Variants in DPP10 observed in about 807,000 individuals in gnomAD.
DPP10 encodes the protein inactive dipeptidyl peptidase 10.
In DPP10, 33 loss-of-function variants were observed where a neutral mutation model predicts 120.9. That is an observed-to-expected ratio of 0.27 (90% CI 0.21 to 0.37). DPP10 has a LOEUF of 0.37. DPP10 is among the 10% of genes least tolerant of loss of function. The probability of loss-of-function intolerance (pLI) is 1.00; values close to 1 mark genes in which losing one functional copy is unlikely to be tolerated. For synonymous variants in DPP10, 337 were observed against 326.1 expected, an observed-to-expected ratio of 1.03 and a Z score of -0.36; for missense variants, 816 against 942.8, an observed-to-expected ratio of 0.87 and a Z score of 1.76.
intron 5 of DPP10, among the ~76,000 whole-genome samples, chr2:115,605,571 C>G (rs75532193): frequency 6.6e-6 from 1 of 151,890 alleles, no homozygotes; most frequent in Non-Finnish European, 1.5e-5. Flanking sequence ...GTAGAATGAA[C>G]TACAGATAAG....
intron 1 of DPP10, among the ~76,000 whole-genome samples, chr2:114,673,171 C>CA (rs1435152943): frequency 6.6e-6 from 1 of 152,150 alleles, no homozygotes; most frequent in Non-Finnish European, 1.5e-5. Context: ...CTGTGTCTGT[C>CA]AACACATCCT....
chr2:115,394,267 C>T (rs1027189063), intron 3 of DPP10, among the ~76,000 whole-genome samples: 10 of 151,990 alleles, frequency 6.6e-5, no homozygotes, highest in Non-Finnish European at 1.5e-4. Flanking sequence ...TATTCACAGA[C>T]ATTTTAAATA....
At chr2:114,456,776 G>T (rs1191529769) in intron 1 of DPP10, among the ~76,000 whole-genome samples, 3 of 152,114 alleles carry the variant, frequency 2.0e-5, no homozygotes, top group African/African-American at 7.2e-5. Context: ...TTAAAATAGG[G>T]CATAAGAGGC....
At chr2:114,521,347 C>A (rs772615843) in intron 1 of DPP10, among the ~76,000 whole-genome samples, 33 of 150,198 alleles carry the variant, frequency 2.2e-4, no homozygotes, top group South Asian at 4.2e-4. Context: ...AAAATAAAGT[C>A]ATCAAAAACT....
chr2:115,119,015 T>C (rs1271250112), intron 1 of DPP10, among the ~76,000 whole-genome samples: 1 of 152,102 alleles, frequency 6.6e-6, no homozygotes, highest in Non-Finnish European at 1.5e-5. Context: ...GCAGGCAACT[T>C]GAGAAATCCA....
At chr2:114,622,365 T>C (rs1302604254) in intron 1 of DPP10, among the ~76,000 whole-genome samples, 1 of 151,958 alleles carries the variant, frequency 6.6e-6, no homozygotes, top group Non-Finnish European at 1.5e-5. Context: ...GTCCAACTTA[T>C]CTGAATCTGT....
intron 1 of DPP10, among the ~76,000 whole-genome samples, chr2:114,675,772 G>A (rs886617685): frequency 5.3e-5 from 8 of 151,608 alleles, no homozygotes; most frequent in Non-Finnish European, 1.2e-4. Flanking sequence ...GTATAAATAT[G>A]TATTTACCAT....
intron 3 of DPP10, among the ~76,000 whole-genome samples, chr2:115,358,031 G>T (rs182938505): frequency 6.6e-6 from 1 of 152,084 alleles, no homozygotes; most frequent in South Asian, 2.1e-4. Flanking sequence ...CTGTGCCTGC[G>T]ATGGGAGGGG....
intron 1 of DPP10, among the ~76,000 whole-genome samples, chr2:115,127,524 A>T (rs576044905): frequency 1.1e-4 from 16 of 152,344 alleles, no homozygotes; most frequent in Middle Eastern, 3.4e-3. Context: ...ATTAGAGTTG[A>T]AAATATATTT....
At chr2:115,256,745 T>TA (rs2059018252) in intron 1 of DPP10, among the ~76,000 whole-genome samples, 1 of 152,156 alleles carries the variant, frequency 6.6e-6, no homozygotes, top group Admixed American at 6.5e-5. Flanking sequence ...CCCTGAAAAT[T>TA]TTCTAACACC....
At chr2:115,550,284 G>A (rs1195274611) in intron 5 of DPP10, among the ~76,000 whole-genome samples, 1 of 152,090 alleles carries the variant, frequency 6.6e-6, no homozygotes, top group Non-Finnish European at 1.5e-5. Context: ...ATTGTACATG[G>A]CATGCGTATC....
rs143258966 is a variant in DPP10 at position 114,906,905 on chromosome 2, G to C, written c.61-402334G>C. ...TTTTCTATGTTTTGAAAATTTGCGA[G>C]AGAGAGGTGTTATGCTTCAAATTTT... On this transcript the variant is annotated intron_variant, in intron 1 of 25. Transcript: ENST00000410059. 8.8e-4 allele frequency among the ~76,000 whole-genome samples: 134 copies of C among 152,256 alleles called. No individual in the cohort carries two copies. The East Asian group carries it at 0.02, about 23-fold the overall frequency.
At chr2:115,820,122 A>G (rs1381056249) in intron 21 of DPP10, among the ~76,000 whole-genome samples, 1 of 152,208 alleles carries the variant, frequency 6.6e-6, no homozygotes, top group Non-Finnish European at 1.5e-5. Flanking sequence ...TGTCAGGATA[A>G]GTCTATGTCT....
At chr2:114,984,887 C>T (rs543629430) in intron 1 of DPP10, among the ~76,000 whole-genome samples, 57 of 152,230 alleles carry the variant, frequency 3.7e-4, no homozygotes, top group African/African-American at 1.3e-3. Flanking sequence ...AGCCTTGGCC[C>T]CAGCTATGTG....
intron 1 of DPP10, among the ~76,000 whole-genome samples, chr2:114,510,629 A>G (rs1684062837): frequency 6.6e-6 from 1 of 152,078 alleles, no homozygotes; most frequent in Admixed American, 6.6e-5. Flanking sequence ...AAAACAAAAA[A>G]CAAACAAAAA....
rs1690070468 is a variant in DPP10, at chr2:115,840,840, G to C, written c.2256+17G>C. ...ACTATGCAGGTAAGCTACTTTCTTA[G>C]AAGAACGTGTTTTCCTGCTGTGTTT... On this transcript the variant is annotated intron_variant, in intron 25 of 25. Transcript: ENST00000410059. 3.1e-6 allele frequency: 5 copies of C among 1,603,646 alleles called. No homozygotes were observed. Among genetic ancestry groups the C allele is most frequent in the Middle Eastern group, 3.3e-4 (2 of 6,014 alleles).
chr2:114,469,489 G>A (rs149309403), intron 1 of DPP10, among the ~76,000 whole-genome samples: 70 of 152,232 alleles, frequency 4.6e-4, no homozygotes, highest in Middle Eastern at 6.8e-3. Flanking sequence ...CCAGCATTTT[G>A]GGAGGTGGAG....
intron 1 of DPP10, among the ~76,000 whole-genome samples, chr2:114,688,903 T>A (rs1699546984): frequency 6.6e-6 from 1 of 151,718 alleles, no homozygotes; most frequent in Non-Finnish European, 1.5e-5. Flanking sequence ...TTAACAGTGA[T>A]TGGATGTGGG....
At chr2:114,634,806 C>T (rs1695190635) in intron 1 of DPP10, among the ~76,000 whole-genome samples, 1 of 151,836 alleles carries the variant, frequency 6.6e-6, no homozygotes, top group Admixed American at 6.6e-5. Context: ...ACGACTCATA[C>T]AGAAGAACAC....
Sources: allele counts gnomAD v4.1 joint callset (sites outside exome capture counted in the v4.1 genomes callset), GRCh38; gene constraint gnomAD v4.1.1; transcripts MANE v1.5; gene names NCBI Gene and HGNC (gene_info 2026-07-23, HGNC 2026-07-21).